The following SCHIP1 variants were observed in gnomAD, a reference collection of about 807,000 sequenced individuals.
SCHIP1 encodes schwannomin interacting protein 1.
SCHIP1 carries 8 observed loss-of-function variants against 29.7 expected under a neutral mutation model. That is an observed-to-expected ratio of 0.27 (90% confidence interval 0.16 to 0.49). The LOEUF is 0.49. Ranked by LOEUF, SCHIP1 falls within the 20% of genes least tolerant of loss-of-function variation. The pLI, the probability that SCHIP1 is intolerant of heterozygous loss-of-function variation, is 0.99. For synonymous variants in SCHIP1, 76 were observed against 94.9 expected (o/e 0.80, Z 1.16); for missense variants, 193 against 294.6 (o/e 0.66, Z 2.52).
At chr3:159,474,937 G>T in the SCHIP1 span, among the ~76,000 whole-genome samples, 1 of 152,112 alleles carries the variant, frequency 6.6e-6, no homozygotes, top group Admixed American at 6.6e-5. Context: ...GAAAAAGATG[G>T]ATAATAACAA....
the SCHIP1 span, among the ~76,000 whole-genome samples, chr3:159,436,693 G>T: frequency 6.6e-6 from 1 of 152,134 alleles, no homozygotes; most frequent in Non-Finnish European, 1.5e-5. Flanking sequence ...TTACTTGAAA[G>T]GTATCTGCAA....
At chr3:159,524,747 G>A in the SCHIP1 span, among the ~76,000 whole-genome samples, 3 of 152,160 alleles carry the variant, frequency 2.0e-5, no homozygotes, top group East Asian at 1.9e-4. Flanking sequence ...AAGAGGAAAG[G>A]GCAGATGTGA....
At chr3:159,538,487 C>G in the SCHIP1 span, among the ~76,000 whole-genome samples, 2 of 152,082 alleles carry the variant, frequency 1.3e-5, no homozygotes, top group South Asian at 2.1e-4. Context: ...TTTTTCTTTT[C>G]CTAAACACTT....
chr3:159,476,241 G>A, the SCHIP1 span, among the ~76,000 whole-genome samples: 3 of 152,126 alleles, frequency 2.0e-5, no homozygotes, highest in Admixed American at 1.3e-4. Flanking sequence ...GGGCTGATAA[G>A]GCAAAATCCA....
chr3:159,741,327 G>C, the SCHIP1 span, among the ~76,000 whole-genome samples: 1 of 152,188 alleles, frequency 6.6e-6, no homozygotes, highest in Non-Finnish European at 1.5e-5. Context: ...AGGGATTTCA[G>C]ATATTATAGC....
chr3:159,799,643 G>A, the SCHIP1 span, among the ~76,000 whole-genome samples: 1 of 152,162 alleles, frequency 6.6e-6, no homozygotes, highest in African/African-American at 2.4e-5. Flanking sequence ...TGGTGAGAAC[G>A]TATGGAAGAC....
the SCHIP1 span, among the ~76,000 whole-genome samples, chr3:159,371,576 G>A: frequency 6.6e-6 from 1 of 152,170 alleles, no homozygotes; most frequent in Non-Finnish European, 1.5e-5. Flanking sequence ...ATATGGAAGT[G>A]CTTTGCAAAT....
At chr3:159,734,863 C>T in the SCHIP1 span, among the ~76,000 whole-genome samples, 31 of 131,308 alleles carry the variant, frequency 2.4e-4, no homozygotes, top group Admixed American at 6.2e-4. Flanking sequence ...GTTTTGAAAA[C>T]GGAAACCAGC....
chr3:159,882,019 A>G (rs1203049824), intron 2 of SCHIP1, among the ~76,000 whole-genome samples: 1 of 152,194 alleles, frequency 6.6e-6, no homozygotes, highest in Admixed American at 6.5e-5. Context: ...GGGAAACTGG[A>G]ATACCATCAC....
the SCHIP1 span, among the ~76,000 whole-genome samples, chr3:159,409,607 A>C: frequency 6.6e-6 from 1 of 152,152 alleles, no homozygotes; most frequent in African/African-American, 2.4e-5. Flanking sequence ...AATGAAAACT[A>C]TAAAAGAATG....
chr3:159,345,353 C>T, the SCHIP1 span, among the ~76,000 whole-genome samples: 5 of 152,006 alleles, frequency 3.3e-5, no homozygotes, highest in East Asian at 3.9e-4. Flanking sequence ...TGTGGCACTT[C>T]GGGAAACCAA....
the SCHIP1 span, among the ~76,000 whole-genome samples, chr3:159,785,579 G>GTTT: frequency 5.0e-5 from 7 of 138,960 alleles, no homozygotes; most frequent in Non-Finnish European, 9.3e-5. Flanking sequence ...AGTTTTGTTG[G>GTTT]TTTTTTTTTT....
chr3:159,780,956 G>A, the SCHIP1 span, among the ~76,000 whole-genome samples: 4 of 152,178 alleles, frequency 2.6e-5, no homozygotes, highest in African/African-American at 9.7e-5. Context: ...TGCATGAGGA[G>A]GTGGTTATCA....
At chr3:159,445,340 C>T in the SCHIP1 span, among the ~76,000 whole-genome samples, 1 of 151,422 alleles carries the variant, frequency 6.6e-6, no homozygotes, top group Non-Finnish European at 1.5e-5. Context: ...CCATCTCACA[C>T]CAGTTAGAAT....
intron 5 of SCHIP1, among the ~76,000 whole-genome samples, chr3:159,891,551 A>G (rs929703998): frequency 3.3e-5 from 5 of 152,162 alleles, no homozygotes; most frequent in African/African-American, 1.2e-4. Flanking sequence ...ACATCTAACT[A>G]TATTACAAAT....
chr3:159,757,565 G>GT, the SCHIP1 span, among the ~76,000 whole-genome samples: 1 of 152,162 alleles, frequency 6.6e-6, no homozygotes, highest in African/African-American at 2.4e-5. Flanking sequence ...GGAACTCCCT[G>GT]TCACCGGTGG....
At chr3:159,836,758 G>A (rs150882253), upstream of SCHIP1, among the ~76,000 whole-genome samples, 4 of 152,274 alleles carry the variant, frequency 2.6e-5, no homozygotes, top group East Asian at 7.7e-4. Context: ...CAAAGACTAT[G>A]CTTTACATAA....
At chr3:159,689,089 T>C in the SCHIP1 span, among the ~76,000 whole-genome samples, 764 of 152,336 alleles carry the variant, frequency 5.0e-3, 9 homozygotes, top group Admixed American at 0.024. Flanking sequence ...GGGCTCCTTT[T>C]TGGTTCCATA....
the SCHIP1 span, among the ~76,000 whole-genome samples, chr3:159,334,457 T>C: frequency 6.6e-6 from 1 of 152,204 alleles, no homozygotes; most frequent in Non-Finnish European, 1.5e-5. Flanking sequence ...ATTACTATTA[T>C]TATTTTGGTA....
Sources: allele counts gnomAD v4.1 joint callset (sites outside exome capture counted in the v4.1 genomes callset), GRCh38; gene constraint gnomAD v4.1.1; transcripts MANE v1.5; gene names NCBI Gene and HGNC (gene_info 2026-07-23, HGNC 2026-07-21).